SNTG1: variants seen among roughly 807,000 people sequenced by gnomAD.
The protein encoded by SNTG1 is gamma-1-syntrophin.
In SNTG1, 39 loss-of-function variants were observed where a neutral mutation model predicts 74.7. That is an observed-to-expected ratio of 0.52 (90% CI 0.40 to 0.68). SNTG1 has a LOEUF of 0.68. Ranked by LOEUF, SNTG1 falls within the 30% of genes least tolerant of loss-of-function variation. The pLI is 0.00. For synonymous variants in SNTG1, 254 were observed against 217.1 expected (o/e 1.17, Z -1.49); for missense variants, 685 against 609.5 (o/e 1.12, Z -1.30).
At chr8:50,377,680 T>A (rs1480650031) in intron 2 of SNTG1, among the ~76,000 whole-genome samples, 1 of 152,206 alleles carries the variant, frequency 6.6e-6, no homozygotes, top group Non-Finnish European at 1.5e-5. Flanking sequence ...AATTTTATCA[T>A]ATAAAGCAAA....
chr8:50,277,264 C>CAA (rs11361478), intron 2 of SNTG1, among the ~76,000 whole-genome samples: 6,059 of 95,118 alleles, frequency 0.064, 204 homozygotes, highest in Non-Finnish European at 0.093. Context: ...AAGACCCTGC[C>CAA]AAAAAAAAAA....
At chr8:50,341,119 C>T (rs546484582) in intron 2 of SNTG1, among the ~76,000 whole-genome samples, 41 of 152,030 alleles carry the variant, frequency 2.7e-4, no homozygotes, top group African/African-American at 9.1e-4. Flanking sequence ...GTTTGGCCAA[C>T]TGTAGGCAAT....
intron 13 of SNTG1, among the ~76,000 whole-genome samples, chr8:50,592,432 A>G (rs146738837): frequency 1.0e-3 from 154 of 152,322 alleles, no homozygotes; most frequent in African/African-American, 3.4e-3. Flanking sequence ...CATTCCGCTG[A>G]TAGCCCCAAA....
intron 2 of SNTG1, among the ~76,000 whole-genome samples, chr8:50,340,799 T>C (rs1336285518): frequency 3.3e-5 from 5 of 151,952 alleles, no homozygotes; most frequent in South Asian, 2.1e-4. Context: ...TTAAAAATGA[T>C]GCACTCTGTA....
At chr8:50,685,087 A>C (rs1309639597) in intron 15 of SNTG1, among the ~76,000 whole-genome samples, 1 of 152,174 alleles carries the variant, frequency 6.6e-6, no homozygotes, top group Non-Finnish European at 1.5e-5. Flanking sequence ...GAAGGAAATT[A>C]AGCCATGACG....
intron 13 of SNTG1, among the ~76,000 whole-genome samples, chr8:50,646,924 G>T (rs983515495): frequency 4.6e-5 from 7 of 151,942 alleles, no homozygotes; most frequent in African/African-American, 1.7e-4. Context: ...AACAAGTATA[G>T]TTAATCTTTA....
At chr8:50,537,707 CA>C (rs2094317774) in intron 11 of SNTG1, among the ~76,000 whole-genome samples, 1 of 152,020 alleles carries the variant, frequency 6.6e-6, no homozygotes, top group Admixed American at 6.6e-5. Context: ...ATATAACCTC[CA>C]GGGGTTGGGA....
chr8:49,982,603 C>CAAAAAA (rs33971834), intron 1 of SNTG1, among the ~76,000 whole-genome samples: 2 of 126,326 alleles, frequency 1.6e-5, no homozygotes, highest in Admixed American at 8.2e-5. Context: ...GAGGCTGAAG[C>CAAAAAA]AAAAAAAAAA....
At chr8:50,778,463 G>A (rs922391915) in intron 18 of SNTG1, among the ~76,000 whole-genome samples, 2 of 151,804 alleles carry the variant, frequency 1.3e-5, no homozygotes, top group African/African-American at 2.4e-5. Flanking sequence ...GTGATGGTGA[G>A]CATTTTTTCA....
In SNTG1 at chr8:50,530,190, C is replaced by G; in HGVS notation, c.480C>G (p.Asp160Glu). The G allele has an allele frequency of 6.2e-7, 1 of 1,613,570 alleles. No individual in the cohort carries two copies. The highest frequency in any genetic ancestry group is 8.5e-7 in the Non-Finnish European group (1 of 1,179,680). The change falls in exon 10 of 19, where the codon GAC becomes GAG. Residue 160 changes from aspartate to glutamate, a missense_variant. Coordinates refer to ENST00000642720, the MANE Select transcript of SNTG1 (RefSeq NM_018967.5). ...LNEDCACAPS[D>E]QSSGTSSPLC... ...TGTCTCCTGCAGGTGCTCCAAGTGA[C>G]CAGAGCAGTGGCACCTCCTCTCCTC...
intron 2 of SNTG1, among the ~76,000 whole-genome samples, chr8:50,175,162 G>A (rs183492429): frequency 3.3e-4 from 50 of 152,042 alleles, no homozygotes; most frequent in African/African-American, 8.4e-4. Flanking sequence ...GAATAGTGCC[G>A]CAATAAACAT....
intron 2 of SNTG1, among the ~76,000 whole-genome samples, chr8:50,334,920 T>C (rs2091091627): frequency 6.6e-6 from 1 of 152,188 alleles, no homozygotes; most frequent in South Asian, 2.1e-4. Context: ...TAGTTAATTG[T>C]GGGAATGTGT....
intron 2 of SNTG1, among the ~76,000 whole-genome samples, chr8:50,333,127 C>T (rs777876992): frequency 2.0e-4 from 31 of 152,186 alleles, no homozygotes; most frequent in Non-Finnish European, 7.3e-5. Flanking sequence ...ATACTCAAGA[C>T]TCAGCCTGCT....
At chr8:50,762,515 A>G (rs1235398402) in intron 18 of SNTG1, 2 of 376,030 alleles carry the variant, frequency 5.3e-6, no homozygotes, top group Non-Finnish European at 1.0e-5. Flanking sequence ...GAGATAAGCT[A>G]TCAAGTCTGC....
chr8:50,596,891 T>G (rs1014302881), intron 13 of SNTG1, among the ~76,000 whole-genome samples: 12 of 152,052 alleles, frequency 7.9e-5, no homozygotes, highest in African/African-American at 2.9e-4. Flanking sequence ...ATCCATCACT[T>G]TAAACATTTA....
intron 13 of SNTG1, among the ~76,000 whole-genome samples, chr8:50,640,941 G>T (rs34708124): frequency 3.3e-5 from 5 of 151,868 alleles, no homozygotes; most frequent in Non-Finnish European, 2.9e-5. Flanking sequence ...TCATTTTAGC[G>T]CATTCATCTT....
At chr8:50,719,613 T>G (rs1200549130) in intron 17 of SNTG1, among the ~76,000 whole-genome samples, 1 of 152,196 alleles carries the variant, frequency 6.6e-6, no homozygotes, top group Non-Finnish European at 1.5e-5. Context: ...ACAGATGGCA[T>G]GTAAACTTTC....
At position 50,708,884 on chromosome 8, in the gene SNTG1, A is replaced by T. The variant is rs1299165916; in HGVS notation, c.1192-2A>T. On this transcript the variant is annotated splice_acceptor_variant, in intron 16 of 18. Transcript: ENST00000642720. LOFTEE classifies it high-confidence loss of function. Reference sequence around the variant, plus strand: ...AGTAACAATACTTTCTGTTCTACCTAGTGCAAGACCTATGCATGTGTGCTA... The same window carrying T: ...AGTAACAATACTTTCTGTTCTACCTTGTGCAAGACCTATGCATGTGTGCTA... 1.2e-6 allele frequency: 2 copies of T among 1,604,442 alleles called. No homozygotes were observed. Among genetic ancestry groups the T allele is most frequent in the Admixed American group, 1.7e-5 (1 of 59,938 alleles).
chr8:50,650,829 C>A (rs2095140412), intron 13 of SNTG1, among the ~76,000 whole-genome samples: 1 of 151,816 alleles, frequency 6.6e-6, no homozygotes, highest in Non-Finnish European at 1.5e-5. Context: ...GTCTCCCGAG[C>A]AGCTGGGATT....
Sources: allele counts gnomAD v4.1 joint callset (sites outside exome capture counted in the v4.1 genomes callset), GRCh38; gene constraint gnomAD v4.1.1; transcripts MANE v1.5; gene names NCBI Gene and HGNC (gene_info 2026-07-23, HGNC 2026-07-21).